The following COL5A1 variants were observed in gnomAD, a reference collection of about 807,000 sequenced individuals.
COL5A1 encodes collagen alpha-1(V) chain.
In COL5A1, 16 loss-of-function variants were observed where a neutral mutation model predicts 263.7. The observed-to-expected ratio is 0.06, with a 90% CI of 0.04 to 0.09. The LOEUF is 0.09. COL5A1 is among the 10% of genes least tolerant of loss of function. COL5A1 has a pLI of 1.00. For synonymous variants in COL5A1, 1,012 were observed against 1,004.5 expected (o/e 1.01, Z -0.14); for missense variants, 2,036 against 2,540.5 (o/e 0.80, Z 4.27).
At chr9:134,810,533 C>T (rs1218873537) in intron 44 of COL5A1, 2 of 562,158 alleles carry the variant, frequency 3.6e-6, no homozygotes, top group Non-Finnish European at 6.3e-6. Flanking sequence ...GAAGCATCCA[C>T]CGGTTTTGCG....
intron 2 of COL5A1, among the ~76,000 whole-genome samples, chr9:134,699,634 GGT>G (rs892015146): frequency 1.3e-5 from 2 of 152,196 alleles, no homozygotes; most frequent in African/African-American, 4.8e-5. Context: ...CTGAGGGCAG[GGT>G]GTTGAGGGCT....
intron 4 of COL5A1, among the ~76,000 whole-genome samples, chr9:134,723,893 C>T (rs989162772): frequency 4.6e-5 from 7 of 152,240 alleles, no homozygotes; most frequent in African/African-American, 1.7e-4. Context: ...GGGTTCTGAG[C>T]TCCTCGCTCA....
At chr9:134,752,485 C>A in intron 13 of COL5A1, 104 bp from the exon 14 acceptor site, 1 of 851,660 alleles carries the variant, frequency 1.2e-6, no homozygotes, top group Non-Finnish European at 2.0e-6. Flanking sequence ...CCTCCTCTGT[C>A]CAGTCTGCCC....
chr9:134,765,613 T>A lies in COL5A1; in HGVS notation c.2035-68T>A. 1.4e-6 allele frequency: 2 copies of A among 1,427,734 alleles called. No individual in the cohort carries two copies. The highest frequency in any genetic ancestry group is 3.4e-5 in the Admixed American group (2 of 59,486). The allele number at this position is 1,427,734 out of a possible 1,614,324, so 88.4% of individuals were successfully genotyped here. ...GGGTGGAGTCAGGGCCAAGTGGGCA[T>A]AGGGGACAGAGAGGAGGGCTGGGAT... On this transcript the variant is annotated intron_variant, in intron 20 of 65. Transcript: ENST00000371817. This position sits in a 1 kb window ranked among gnomAD's most constrained non-coding sequence, Gnocchi z 5.1.
intron 4 of COL5A1, among the ~76,000 whole-genome samples, chr9:134,717,206 C>T (rs112781169): frequency 0.026 from 4,029 of 152,210 alleles, 69 homozygotes; most frequent in Non-Finnish European, 0.037. Context: ...GAAGGGGCAC[C>T]GGTGGCGTCC....
chr9:134,790,610 CCATCCATCCAT>C (rs1837656365), intron 32 of COL5A1, among the ~76,000 whole-genome samples: 4 of 100,130 alleles, frequency 4.0e-5, no homozygotes, highest in African/African-American at 1.5e-4. Flanking sequence ...ACCCACCCAT[CCATCCATCCAT>C]CCATCCATCC....
chr9:134,748,113 A>C (rs117032559), intron 11 of COL5A1, among the ~76,000 whole-genome samples: 3 of 79,448 alleles, frequency 3.8e-5, no homozygotes, highest in Admixed American at 1.0e-4. Context: ...ACACATGCAT[A>C]CACAGACATG....
intron 27 of COL5A1, among the ~76,000 whole-genome samples, chr9:134,776,995 T>A (rs1240743797): frequency 6.6e-6 from 1 of 152,154 alleles, no homozygotes; most frequent in African/African-American, 2.4e-5. Flanking sequence ...CAGCCCCACC[T>A]CCTAGTTCCA....
intron 41 of COL5A1, 98 bp downstream of exon 41, chr9:134,805,312 C>T (rs1252511500): frequency 5.0e-6 from 7 of 1,387,170 alleles, no homozygotes; most frequent in Non-Finnish European, 7.2e-6. Flanking sequence ...CTGCCCCAGA[C>T]CCCCGAGGAG....
chr9:134,728,631 G>T (rs762375449), intron 5 of COL5A1, 39 bp from the exon 6 acceptor site: 14 of 1,613,112 alleles, frequency 8.7e-6, no homozygotes, highest in Non-Finnish European at 9.3e-6. Flanking sequence ...CGCTCTGCGG[G>T]CTCCGCTGCT....
chr9:134,654,493 G>A (rs1027956202), intron 1 of COL5A1, among the ~76,000 whole-genome samples: 1 of 128,990 alleles, frequency 7.8e-6, no homozygotes, highest in Non-Finnish European at 1.6e-5. Context: ...GAGTTGTGTA[G>A]AGCTGGTGTG....
chr9:134,661,330 C>T (rs1255337198), intron 1 of COL5A1, among the ~76,000 whole-genome samples: 2 of 151,704 alleles, frequency 1.3e-5, no homozygotes, highest in Admixed American at 1.3e-4. Flanking sequence ...CTTCACACAG[C>T]TGTTTGCACC....
intron 1 of COL5A1, among the ~76,000 whole-genome samples, chr9:134,655,381 G>A (rs1325962627): frequency 1.3e-5 from 2 of 152,006 alleles, no homozygotes; most frequent in Non-Finnish European, 2.9e-5. Context: ...GGAGGGTGGA[G>A]GGCGGCTGTG....
intron 64 of COL5A1, among the ~76,000 whole-genome samples, chr9:134,833,867 CAG>C (rs1839746827): frequency 1.3e-5 from 2 of 152,188 alleles, no homozygotes; most frequent in South Asian, 2.1e-4. Context: ...ATGATAGGGA[CAG>C]GGGGCCAGAG....
At chr9:134,786,788 C>T (rs1255082443) in intron 31 of COL5A1, among the ~76,000 whole-genome samples, 2 of 152,248 alleles carry the variant, frequency 1.3e-5, no homozygotes, top group East Asian at 1.9e-4. Flanking sequence ...AATTAACAGC[C>T]GAAGCGGGGT....
At chr9:134,828,659 C>G (rs111207708) in intron 63 of COL5A1, among the ~76,000 whole-genome samples, 5 of 97,114 alleles carry the variant, frequency 5.1e-5, no homozygotes, top group South Asian at 2.9e-4. Context: ...ACATACCACA[C>G]ACACACCCAT....
intron 50 of COL5A1, 29 bp downstream of exon 50, chr9:134,814,933 C>CCTGCAGCAGGGGCGGGGCT (rs1564477811): frequency 6.7e-7 from 1 of 1,493,320 alleles, no homozygotes; most frequent in South Asian, 1.2e-5. Flanking sequence ...CCTCAGGGGC[C>CCTGCAGCAGGGGCGGGGCT]CTGCAGCAGG....
At chr9:134,692,107 A>G (rs1833305783) in intron 2 of COL5A1, among the ~76,000 whole-genome samples, 1 of 152,182 alleles carries the variant, frequency 6.6e-6, no homozygotes, top group Non-Finnish European at 1.5e-5. Flanking sequence ...TCTCTGAGAG[A>G]ATCTGGGCAG....
intron 11 of COL5A1, among the ~76,000 whole-genome samples, chr9:134,745,689 A>G (rs547747319): frequency 6.6e-6 from 1 of 152,258 alleles, no homozygotes; most frequent in East Asian, 1.9e-4. Flanking sequence ...GAACGAACGA[A>G]TGGTGGGTTC....
Sources: gnomAD v4.1 joint callset for allele counts (sites outside exome capture counted in the v4.1 genomes callset) on GRCh38, gnomAD v4.1.1 for gene constraint, Gnocchi (gnomAD v3.1) non-coding constraint, MANE v1.5 for transcripts, NCBI Gene and HGNC (gene_info 2026-07-23, HGNC 2026-07-21) for gene names.